COG2: variants seen among roughly 807,000 people sequenced by gnomAD.
COG2 encodes the protein component of oligomeric golgi complex 2, also known as conserved oligomeric Golgi complex subunit 2.
Under a neutral mutation model 90.6 loss-of-function variants are expected in COG2, and 52 were observed. The observed-to-expected ratio is 0.57, with a 90% CI of 0.46 to 0.72. The LOEUF (loss-of-function observed/expected upper bound fraction) is 0.72. COG2 is among the 30% of genes least tolerant of loss of function. The pLI, the probability that COG2 is intolerant of heterozygous loss-of-function variation, is 0.00. For synonymous variants in COG2, 337 were observed against 320.4 expected (o/e 1.05, Z -0.55); for missense variants, 829 against 891.2 (o/e 0.93, Z 0.89).
intron 1 of COG2, among the ~76,000 whole-genome samples, chr1:230,646,505 G>A (rs1661779777): frequency 6.6e-6 from 1 of 152,030 alleles, no homozygotes; most frequent in Admixed American, 6.6e-5. Flanking sequence ...CTTTTCACAT[G>A]CTGTGCACTT....
At chr1:230,673,939 G>C (rs147931196) in intron 8 of COG2, among the ~76,000 whole-genome samples, 7 of 152,264 alleles carry the variant, frequency 4.6e-5, no homozygotes, top group African/African-American at 1.7e-4. Flanking sequence ...AGAATGTTAA[G>C]TCCCGTTTTG....
At position 230,668,668 on chromosome 1, in the gene COG2, T is replaced by C; in HGVS notation, c.486-8T>C. On this transcript the variant is annotated splice_polypyrimidine_tract_variant and splice_region_variant and intron_variant, in intron 5 of 17. Transcript: ENST00000366669. ...GGGTTACACTTCTATAACTGTTTTC[T>C]CTACTAGCCCCCTTTTGACTGGACA... 6.3e-7 allele frequency: 1 copy of C among 1,578,504 alleles called. No homozygotes were observed. The highest frequency in any genetic ancestry group is 8.7e-7 in the Non-Finnish European group (1 of 1,150,676).
intron 1 of COG2, among the ~76,000 whole-genome samples, chr1:230,647,913 G>A (rs1296653682): frequency 6.6e-6 from 1 of 152,022 alleles, no homozygotes; most frequent in Non-Finnish European, 1.5e-5. Context: ...CGGATACAGA[G>A]GGACAACTGT....
At chr1:230,668,873 G>T in intron 6 of COG2, 89 bp downstream of exon 6, 4 of 804,344 alleles carry the variant, frequency 5.0e-6, no homozygotes, top group Non-Finnish European at 5.8e-6. Flanking sequence ...TGATCTACAG[G>T]GTTTTGAAGC....
In COG2 at chr1:230,654,762, CTT is replaced by C. The variant is rs796314182; in HGVS notation, c.73-4701_73-4700del. On this transcript the variant is annotated intron_variant, in intron 1 of 17. Transcript: ENST00000366669. ...GTTTTTCCATTTGTTTGTGTCCTCT[CTT>C]ATTTCCTTGAGCAGCGGTTTGTAGT... Among the ~76,000 whole-genome samples, 36 of 152,274 alleles carry C rather than the reference CTT, an allele frequency of 2.4e-4. 3 individuals are homozygous for C. Among genetic ancestry groups the C allele is most frequent in the African/African-American group, 8.7e-4 (36 of 41,562 alleles).
In COG2 at chr1:230,669,440, A is replaced by G; in HGVS notation, c.679A>G (p.Ile227Val). The change falls in exon 7 of 18, where the codon ATA becomes GTA. Residue 227 changes from isoleucine to valine, a missense_variant. Transcript: ENST00000366669. ...CCTTCAGACGTCTGACGTCGATATA[A>G]TACGGCACTGCTTGCGGACTTACGC... ...EGLQTSDVDI[I>V]RHCLRTYATI... 1 of 1,614,142 alleles carries G rather than the reference A, an allele frequency of 6.2e-7. No individual in the cohort carries two copies. The highest frequency in any genetic ancestry group is 8.5e-7 in the Non-Finnish European group (1 of 1,180,002).
intron 9 of COG2, chr1:230,677,942 C>T (rs1473413836): frequency 2.1e-5 from 18 of 853,248 alleles, no homozygotes; most frequent in Non-Finnish European, 4.2e-6. Context: ...ATTTTTGTCT[C>T]AACTCCACAC....
At chr1:230,693,239 C>T in intron 17 of COG2, 53 bp from the exon 18 acceptor site, 4 of 1,040,256 alleles carry the variant, frequency 3.8e-6, no homozygotes, top group African/African-American at 3.2e-5. Context: ...TTTTTCCCCC[C>T]CCATATTCAG....
At chr1:230,691,639 C>T (rs1663033081) in intron 17 of COG2, 75 bp downstream of exon 17, 2 of 1,360,894 alleles carry the variant, frequency 1.5e-6, no homozygotes, top group South Asian at 2.6e-5. Flanking sequence ...CTTGGTGGCT[C>T]GCGTGATCCC....
chr1:230,646,424 G>A (rs975354587), intron 1 of COG2, among the ~76,000 whole-genome samples: 22 of 152,018 alleles, frequency 1.4e-4, no homozygotes, highest in South Asian at 4.2e-4. Flanking sequence ...TGGTCTCCTT[G>A]TCTCTTTTGC....
chr1:230,650,136 AT>A (rs1446193360), intron 1 of COG2, among the ~76,000 whole-genome samples: 13 of 152,202 alleles, frequency 8.5e-5, no homozygotes, highest in African/African-American at 3.1e-4. Context: ...AGACACGTTG[AT>A]TCCATGACTT....
At chr1:230,692,219 T>G (rs1378773020) in intron 17 of COG2, among the ~76,000 whole-genome samples, 3 of 151,990 alleles carry the variant, frequency 2.0e-5, no homozygotes, top group Non-Finnish European at 2.9e-5. Context: ...CCTTCTAAAC[T>G]GTTAAAGCGT....
intron 1 of COG2, among the ~76,000 whole-genome samples, chr1:230,653,343 C>T (rs1395947870): frequency 1.3e-5 from 2 of 151,746 alleles, no homozygotes; most frequent in East Asian, 1.9e-4. Context: ...GGCTCAGCCT[C>T]CCGAGTAACT....
In COG2 at chr1:230,659,626, G is replaced by A; in HGVS notation, c.234+1G>A. ...TTTTGTCAATCTTTCAACAAACTTG[G>A]TAAACTTTAAATCCACGGTCCCATT... On this transcript the variant is annotated splice_donor_variant, in intron 2 of 17. Transcript: ENST00000366669. LOFTEE classifies it high-confidence loss of function. 6.2e-7 allele frequency: 1 copy of A among 1,612,624 alleles called. No homozygotes were observed. The highest frequency in any genetic ancestry group is 8.5e-7 in the Non-Finnish European group (1 of 1,179,468).
intron 1 of COG2, among the ~76,000 whole-genome samples, chr1:230,645,458 G>A (rs753806402): frequency 6.6e-6 from 1 of 152,016 alleles, no homozygotes; most frequent in Non-Finnish European, 1.5e-5. Context: ...TCAAGCGGTA[G>A]CTCCTTCATC....
chr1:230,658,593 C>T (rs1338715234), intron 1 of COG2, among the ~76,000 whole-genome samples: 2 of 152,144 alleles, frequency 1.3e-5, no homozygotes, highest in Non-Finnish European at 2.9e-5. Context: ...CTAGGAGGTC[C>T]GCTGCTCTCT....
chr1:230,646,360 T>A (rs1661776121), intron 1 of COG2, among the ~76,000 whole-genome samples: 1 of 152,152 alleles, frequency 6.6e-6, no homozygotes, highest in Admixed American at 6.5e-5. Flanking sequence ...GATCAAATGC[T>A]CCCTTCATTT....
chr1:230,662,210 T>A (rs181814678), intron 3 of COG2, among the ~76,000 whole-genome samples: 1 of 152,158 alleles, frequency 6.6e-6, no homozygotes, highest in East Asian at 1.9e-4. Context: ...TATAGCCACC[T>A]TTTTCCTGAT....
Position 230,686,042 on chromosome 1 carries a change from A to G in COG2, c.1380+806A>G, listed in dbSNP as rs1438449507. Among the ~76,000 whole-genome samples the G allele has an allele frequency of 2.0e-5, 3 of 152,234 alleles. No homozygotes were observed. In the East Asian group the frequency reaches 5.8e-4, roughly 29 times the overall value. ...TCCTCTTGCAGTGTATTTTAATGGA[A>G]AGAGTGTCAGCTTTGGAGCTAATGT... On this transcript the variant is annotated intron_variant, in intron 12 of 17. Transcript: ENST00000366669.
Sources: gnomAD v4.1 joint callset for allele counts (sites outside exome capture counted in the v4.1 genomes callset) on GRCh38, gnomAD v4.1.1 for gene constraint, MANE v1.5 for transcripts, NCBI Gene and HGNC (gene_info 2026-07-23, HGNC 2026-07-21) for gene names.